The following FBXL17 variants were observed in gnomAD, a reference collection of about 807,000 sequenced individuals.
FBXL17 encodes F-box and leucine rich repeat protein 17.
FBXL17 carries 22 observed loss-of-function variants against 66.2 expected under a neutral mutation model. The observed-to-expected ratio is 0.33, with a 90% CI of 0.24 to 0.47. FBXL17 has a LOEUF of 0.47. FBXL17 is among the 20% of genes least tolerant of loss of function. FBXL17 has a pLI of 1.00. For missense variants in FBXL17, 878 were observed against 948.2 expected, an observed-to-expected ratio of 0.93 and a Z score of 0.97; for synonymous variants, 474 against 400.5, an observed-to-expected ratio of 1.18 and a Z score of -2.19.
At chr5:108,296,925 T>C (rs1758371095) in intron 4 of FBXL17, among the ~76,000 whole-genome samples, 1 of 151,452 alleles carries the variant, frequency 6.6e-6, no homozygotes, top group African/African-American at 2.4e-5. Flanking sequence ...CTAATTCCAT[T>C]GTTGCTCAAT....
At chr5:108,035,152 T>C (rs1475180699) in intron 6 of FBXL17, among the ~76,000 whole-genome samples, 2 of 152,202 alleles carry the variant, frequency 1.3e-5, no homozygotes, top group Non-Finnish European at 2.9e-5. Context: ...TAAATAGTTA[T>C]GTTTATACCT....
At chr5:108,099,584 T>C (rs1749525399) in intron 6 of FBXL17, among the ~76,000 whole-genome samples, 1 of 152,156 alleles carries the variant, frequency 6.6e-6, no homozygotes, top group Non-Finnish European at 1.5e-5. Context: ...ACTAGGAAGA[T>C]GAAGGTTCAT....
At chr5:108,343,082 A>C (rs1746994797) in intron 4 of FBXL17, among the ~76,000 whole-genome samples, 1 of 152,166 alleles carries the variant, frequency 6.6e-6, no homozygotes, top group South Asian at 2.1e-4. Context: ...AGGTGTCTAT[A>C]AACTAGAAAG....
chr5:108,289,040 T>C (rs775321019), intron 4 of FBXL17, among the ~76,000 whole-genome samples: 2 of 152,034 alleles, frequency 1.3e-5, no homozygotes, highest in African/African-American at 4.8e-5. Flanking sequence ...GAGGGAAGTG[T>C]GGACTCTGAA....
chr5:107,996,325 G>C (rs1184662988), intron 7 of FBXL17, among the ~76,000 whole-genome samples: 2 of 151,872 alleles, frequency 1.3e-5, no homozygotes, highest in Admixed American at 6.6e-5. Context: ...TTGTTTGTTT[G>C]TTTGTTGGAG....
At chr5:108,016,404 C>T (rs1332411453) in intron 7 of FBXL17, among the ~76,000 whole-genome samples, 5 of 152,166 alleles carry the variant, frequency 3.3e-5, no homozygotes, top group South Asian at 4.2e-4. Context: ...GTTTCCAGTC[C>T]TCTTTAATTA....
rs558554029 is a variant in FBXL17, at chr5:108,239,370, G to A, written c.1507-15142C>T. On this transcript the variant is annotated intron_variant, in intron 4 of 8. Transcript: ENST00000542267. ...CTGCATCCCCTGGCAGCAGCCACAA[G>A]GCACAGGGAGTGAATCTGTGTGCTT... is the stretch of plus-strand genomic sequence containing the variant. 1.3e-5 allele frequency among the ~76,000 whole-genome samples: 2 copies of A among 152,308 alleles called. 1 individual carries two copies. Among genetic ancestry groups the A allele is most frequent in the South Asian group, 4.1e-4 (2 of 4,826 alleles).
At chr5:108,346,840 G>A (rs1437568052) in intron 4 of FBXL17, among the ~76,000 whole-genome samples, 1 of 151,950 alleles carries the variant, frequency 6.6e-6, no homozygotes, top group African/African-American at 2.4e-5. Flanking sequence ...GCAAGTGAGT[G>A]GATACCAATA....
chr5:108,158,545 G>A (rs2150004236), intron 6 of FBXL17, among the ~76,000 whole-genome samples: 1 of 150,728 alleles, frequency 6.6e-6, no homozygotes, highest in South Asian at 2.1e-4. Context: ...ATCCACATTT[G>A]CACATGTGCA....
At chr5:108,179,366 G>A (rs1425761264) in intron 6 of FBXL17, among the ~76,000 whole-genome samples, 2 of 152,090 alleles carry the variant, frequency 1.3e-5, no homozygotes, top group African/African-American at 4.8e-5. Context: ...CTCACTGAAA[G>A]GGGTGGTGGA....
intron 4 of FBXL17, among the ~76,000 whole-genome samples, chr5:108,329,071 G>A (rs1759996710): frequency 6.6e-6 from 1 of 151,728 alleles, no homozygotes; most frequent in Non-Finnish European, 1.5e-5. Flanking sequence ...CAAACAAGAA[G>A]GTATTTTAAA....
rs140426959 is a variant in FBXL17 at position 108,047,006 on chromosome 5, C to T, written c.1746-26005G>A. ...TCTTACTTGTCCTTGATCTGAAAAA[C>T]GTCTTGGATTGGGTGGGGCCAAGAT... On this transcript the variant is annotated intron_variant, in intron 6 of 8. Coordinates refer to ENST00000542267, the MANE Select transcript of FBXL17 (RefSeq NM_001163315.3). Among the ~76,000 whole-genome samples the T allele has an allele frequency of 5.3e-5, 8 of 152,220 alleles. No homozygotes were observed. The South Asian group carries it at 6.2e-4, about 12-fold the overall frequency.
At chr5:108,336,226 G>C (rs751139161) in intron 4 of FBXL17, among the ~76,000 whole-genome samples, 1 of 152,098 alleles carries the variant, frequency 6.6e-6, no homozygotes, top group Non-Finnish European at 1.5e-5. Context: ...TAACCTCTGC[G>C]TGGTGTATTA....
At chr5:108,168,280 T>C (rs1752483232) in intron 6 of FBXL17, among the ~76,000 whole-genome samples, 1 of 152,118 alleles carries the variant, frequency 6.6e-6, no homozygotes, top group African/African-American at 2.4e-5. Context: ...CCTACTCTCT[T>C]GAAATTTAAA....
chr5:108,363,140 T>C (rs1446228304), intron 3 of FBXL17, among the ~76,000 whole-genome samples: 1 of 152,040 alleles, frequency 6.6e-6, no homozygotes, highest in Non-Finnish European at 1.5e-5. Flanking sequence ...CACTAGGTCA[T>C]AAAATTAATT....
chr5:108,213,948 A>T (rs766548809), intron 5 of FBXL17, among the ~76,000 whole-genome samples: 1 of 151,926 alleles, frequency 6.6e-6, no homozygotes, highest in Non-Finnish European at 1.5e-5. Context: ...ATTTTTCCCA[A>T]TCTGGGGCTT....
intron 4 of FBXL17, among the ~76,000 whole-genome samples, chr5:108,230,463 C>T (rs1240201278): frequency 1.3e-5 from 2 of 152,084 alleles, no homozygotes; most frequent in Non-Finnish European, 2.9e-5. Context: ...AGTGAAGTAA[C>T]TCAGGAATGG....
chr5:107,866,229 ACT>A (rs1238858753), intron 8 of FBXL17, among the ~76,000 whole-genome samples: 2 of 152,192 alleles, frequency 1.3e-5, no homozygotes, highest in South Asian at 2.1e-4. Flanking sequence ...AATATGCCGC[ACT>A]GTCATTGGAA....
At chr5:108,002,315 C>T (rs952052025) in intron 7 of FBXL17, among the ~76,000 whole-genome samples, 6 of 151,586 alleles carry the variant, frequency 4.0e-5, no homozygotes, top group South Asian at 2.1e-4. Flanking sequence ...CAAGCCACCG[C>T]GCCCAGTCGT....
Sources: gnomAD v4.1 joint callset for allele counts (sites outside exome capture counted in the v4.1 genomes callset) on GRCh38, gnomAD v4.1.1 for gene constraint, MANE v1.5 for transcripts, NCBI Gene and HGNC (gene_info 2026-07-23, HGNC 2026-07-21) for gene names.